Variants in RP1 observed in about 807,000 individuals in gnomAD.
RP1 encodes oxygen-regulated protein 1.
Under a neutral mutation model 14.8 loss-of-function variants are expected in RP1, and 16 were observed. The observed-to-expected ratio is 1.08, with a 90% CI of 0.73 to 1.65. The LOEUF (loss-of-function observed/expected upper bound fraction) is 1.65. Among genes scored for constraint, RP1 ranks in the 40% most tolerant of loss-of-function variants. The pLI is 0.00. For missense variants in RP1, 2,631 were observed against 2,535.0 expected (o/e 1.04, Z -0.81); for synonymous variants, 876 against 883.6 (o/e 0.99, Z 0.15).
downstream of RP1, chr8:54,770,307 G>A (rs912430456): frequency 7.4e-5 from 29 of 393,030 alleles, no homozygotes; most frequent in Non-Finnish European, 1.1e-4. Context: ...AAATGAACAC[G>A]GAATAAGCAT....
rs539374540 is a variant in RP1 at position 54,793,119 on chromosome 8, T to A, written c.3615+9409T>A. 3.4e-4 allele frequency among the ~76,000 whole-genome samples: 52 copies of A among 151,802 alleles called. No homozygotes were observed. In the South Asian group the frequency reaches 8.1e-3, roughly 24 times the overall value. On this transcript the variant is annotated intron_variant, in intron 24 of 28. Transcript: ENST00000637698. ...TATAAATTTATAGAAACATACAACC[T>A]AAAAAGATTGAAACATGAAGAAATA... is the stretch of plus-strand genomic sequence containing the variant.
At chr8:54,735,123 T>C (rs1808888093) in intron 18 of RP1, among the ~76,000 whole-genome samples, 1 of 152,232 alleles carries the variant, frequency 6.6e-6, no homozygotes, top group African/African-American at 2.4e-5. Flanking sequence ...GTTGCTCAGC[T>C]GAGCTATACA....
At chr8:54,688,163 G>C (rs1252030665) in intron 12 of RP1, among the ~76,000 whole-genome samples, 2 of 151,960 alleles carry the variant, frequency 1.3e-5, no homozygotes, top group African/African-American at 4.8e-5. Flanking sequence ...AGGGTTGTTT[G>C]TTTTTTTCCT....
chr8:54,835,724 C>T (rs978151930), intron 24 of RP1, among the ~76,000 whole-genome samples: 6 of 152,130 alleles, frequency 3.9e-5, no homozygotes, highest in Non-Finnish European at 8.8e-5. Flanking sequence ...TTCACACAGC[C>T]AGCCAGGGTA....
chr8:54,590,403 C>T (rs967065471), intron 1 of RP1, among the ~76,000 whole-genome samples: 1 of 152,114 alleles, frequency 6.6e-6, no homozygotes, highest in African/African-American at 2.4e-5. Flanking sequence ...TTGTCAAGCT[C>T]ACCAATGACC....
At chr8:54,690,115 A>T (rs1807674689) in intron 12 of RP1, among the ~76,000 whole-genome samples, 1 of 152,138 alleles carries the variant, frequency 6.6e-6, no homozygotes, top group South Asian at 2.1e-4. Context: ...CTTTGAATAG[A>T]TAAAAATATA....
intron 27 of RP1, among the ~76,000 whole-genome samples, chr8:54,860,003 G>C (rs1812305888): frequency 6.6e-6 from 1 of 152,166 alleles, no homozygotes; most frequent in Non-Finnish European, 1.5e-5. Context: ...CCAGAATTGA[G>C]GTGCTGTAGA....
Position 54,628,696 on chromosome 8 carries a change from A to G in RP1, c.4814A>G (p.Lys1605Arg). The G allele has an allele frequency of 6.2e-7, 1 of 1,614,082 alleles. No individual in the cohort carries two copies. The highest frequency in any genetic ancestry group is 8.5e-7 in the Non-Finnish European group (1 of 1,179,970). The stretch of plus-strand genomic sequence containing the variant: ...GACAGTGACAGTGAGCAGCCATATA[A>G]AACATCCAGTGATGATCCCAATGAC... Reference protein sequence around the residue: ...RPDSDSEQPYKTSSDDPNDSG... With the variant: ...RPDSDSEQPYRTSSDDPNDSG... Residue 1605 changes from lysine (K) to arginine (R), a missense_variant, in exon 4 of 4, where the codon AAA becomes AGA. By Grantham distance (26) the Lys-to-Arg change is conservative (BLOSUM62 2). Coordinates refer to ENST00000220676, the MANE Select transcript of RP1 (RefSeq NM_006269.2).
At chr8:54,740,014 C>A (rs1157699126) in intron 19 of RP1, among the ~76,000 whole-genome samples, 1 of 151,022 alleles carries the variant, frequency 6.6e-6, no homozygotes, top group Non-Finnish European at 1.5e-5. Context: ...CTAATGTAAG[C>A]AACTGTTACT....
At chr8:54,810,133 A>G (rs1015604359) in intron 24 of RP1, among the ~76,000 whole-genome samples, 2 of 152,170 alleles carry the variant, frequency 1.3e-5, no homozygotes, top group East Asian at 3.9e-4. Flanking sequence ...TTTCAGAAAA[A>G]ATAAACATAA....
chr8:54,597,816 G>T (rs747315429), intron 1 of RP1, among the ~76,000 whole-genome samples: 10 of 152,202 alleles, frequency 6.6e-5, no homozygotes, highest in Middle Eastern at 3.4e-3. Flanking sequence ...TAGATTAGTG[G>T]TTGCTTTGGG....
chr8:54,586,906 G>C (rs1804941509), intron 1 of RP1, among the ~76,000 whole-genome samples: 1 of 152,170 alleles, frequency 6.6e-6, no homozygotes, highest in Non-Finnish European at 1.5e-5. Flanking sequence ...CCCTTTATTT[G>C]ACTAGGAAAG....
At chr8:54,590,681 T>C (rs1365174532) in intron 1 of RP1, among the ~76,000 whole-genome samples, 1 of 152,192 alleles carries the variant, frequency 6.6e-6, no homozygotes, top group East Asian at 1.9e-4. Context: ...TCTCCAGTTA[T>C]GTAGTCCCTC....
Position 54,711,373 on chromosome 8 carries a change from G to T in RP1, c.2211+4718G>T, listed in dbSNP as rs1808290900. Among the ~76,000 whole-genome samples the T allele has an allele frequency of 2.6e-5, 4 of 152,098 alleles. 1 individual carries two copies. In the South Asian group the frequency reaches 6.2e-4, roughly 24 times the overall value. On this transcript the variant is annotated intron_variant, in intron 15 of 22. Transcript: ENST00000636932. ...CTGTTCTTGGAAGATTATTGCATTG[G>T]AAAGTTATTGCTAAAAGATTTGAAA...
intron 18 of RP1, chr8:54,734,807 AGTGTGT>A (rs112017805): frequency 0.011 from 13,600 of 1,200,948 alleles, 83 homozygotes; most frequent in Middle Eastern, 0.03. Context: ...GTAATGTAGA[AGTGTGT>A]GTGTGTGTGT....
chr8:54,696,893 C>T (rs988609412), intron 12 of RP1: 5 of 787,836 alleles, frequency 6.3e-6, no homozygotes, highest in African/African-American at 5.0e-5. Context: ...TAAGATCGTT[C>T]TTCTGACAGA....
chr8:54,769,879 C>T (rs1479203161), exon 23 of RP1: 4 of 941,384 alleles, frequency 4.2e-6, no homozygotes, highest in African/African-American at 3.3e-5. Context: ...CACTATTCCC[C>T]AGTTTTCCTC....
At chr8:54,817,732 T>C (rs916340878) in intron 24 of RP1, among the ~76,000 whole-genome samples, 1 of 152,246 alleles carries the variant, frequency 6.6e-6, no homozygotes, top group Non-Finnish European at 1.5e-5. Flanking sequence ...TAAATGACTC[T>C]AGAACACCTC....
intron 20 of RP1, chr8:54,755,053 T>C: frequency 8.7e-7 from 1 of 1,143,080 alleles, no homozygotes; most frequent in East Asian, 2.9e-5. Context: ...GAGAGTTGTT[T>C]TACTCTTGAG....
Sources: gnomAD v4.1 joint callset for allele counts (sites outside exome capture counted in the v4.1 genomes callset) on GRCh38, gnomAD v4.1.1 for gene constraint, MANE v1.5 for transcripts, NCBI Gene and HGNC (gene_info 2026-07-23, HGNC 2026-07-21) for gene names.